TMEM132B: variants seen among roughly 807,000 people sequenced by gnomAD.
TMEM132B encodes the protein transmembrane protein 132B.
A neutral mutation model predicts 90.8 loss-of-function variants in TMEM132B; 18 were observed. That is an observed-to-expected ratio of 0.20 (90% confidence interval 0.14 to 0.29). The LOEUF is 0.29. Among genes scored for constraint, TMEM132B ranks in the 10% least tolerant of loss-of-function variants. TMEM132B has a pLI of 1.00. For synonymous variants in TMEM132B, 504 were observed against 523.3 expected, an observed-to-expected ratio of 0.96 and a Z score of 0.50; for missense variants, 1,096 against 1,326.8, an observed-to-expected ratio of 0.83 and a Z score of 2.70.
chr12:125,201,605 C>A (rs952617147), intron 1 of TMEM132B, among the ~76,000 whole-genome samples: 2 of 152,226 alleles, frequency 1.3e-5, no homozygotes, highest in Admixed American at 6.5e-5. Flanking sequence ...AGGCAGCAGG[C>A]TGCCTGGGTT....
intron 1 of TMEM132B, among the ~76,000 whole-genome samples, chr12:125,210,407 C>T (rs1256612125): frequency 6.6e-6 from 1 of 152,196 alleles, no homozygotes; most frequent in Non-Finnish European, 1.5e-5. Flanking sequence ...AGGGTGATCA[C>T]ATGGTGCCGT....
intron 1 of TMEM132B, among the ~76,000 whole-genome samples, chr12:125,298,803 G>A (rs867322856): frequency 7.3e-5 from 11 of 149,714 alleles, no homozygotes; most frequent in Middle Eastern, 3.4e-3. Flanking sequence ...GCGCGATCTC[G>A]GCTCACTGCA....
At chr12:125,389,426 C>T (rs965507556) in intron 2 of TMEM132B, among the ~76,000 whole-genome samples, 1 of 148,164 alleles carries the variant, frequency 6.7e-6, no homozygotes, top group African/African-American at 2.5e-5. Context: ...ATCCATCCTT[C>T]CATAATTCAT....
chr12:125,475,253 G>A (rs1881845537), intron 3 of TMEM132B, among the ~76,000 whole-genome samples: 1 of 152,092 alleles, frequency 6.6e-6, no homozygotes, highest in Admixed American at 6.6e-5. Flanking sequence ...CATTAGCATT[G>A]TTATTGTCAA....
rs958314103 is a variant in TMEM132B at position 125,661,911 on chromosome 12, A to G, written c.*7201A>G. 6 of 152,186 alleles carry G rather than the reference A, an allele frequency of 3.9e-5. No individual in the cohort carries two copies. The highest frequency in any genetic ancestry group is 4.8e-5 in the African/African-American group (2 of 41,428). The allele number at this position is 152,186 out of a possible 1,614,324, so 9.4% of individuals were successfully genotyped here. On this transcript the variant is annotated 3_prime_UTR_variant, in exon 9 of 9. Coordinates refer to ENST00000682704, the MANE Select transcript of TMEM132B (RefSeq NM_001366854.1). ...ATTTTTACAATACTGCTCATGTTTA[A>G]TGTGTGTCTACAGGGCATGCTGTTG...
chr12:125,473,539 C>T (rs558323955), intron 3 of TMEM132B, among the ~76,000 whole-genome samples: 1 of 152,290 alleles, frequency 6.6e-6, no homozygotes, highest in Non-Finnish European at 1.5e-5. Context: ...ATTAATGAAT[C>T]AAACTTTGTG....
At chr12:125,282,670 G>T (rs1875230650) in intron 1 of TMEM132B, among the ~76,000 whole-genome samples, 1 of 152,170 alleles carries the variant, frequency 6.6e-6, no homozygotes. Context: ...GGCAATCAGA[G>T]ATCCTAGCTA....
intron 5 of TMEM132B, among the ~76,000 whole-genome samples, chr12:125,640,487 A>AGAGG (rs1228299621): frequency 6.6e-6 from 1 of 152,162 alleles, no homozygotes; most frequent in Non-Finnish European, 1.5e-5. Context: ...AGACACATGA[A>AGAGG]GAGGGGCCTG....
At chr12:125,633,219 C>G (rs372015455) in intron 5 of TMEM132B, among the ~76,000 whole-genome samples, 10 of 152,056 alleles carry the variant, frequency 6.6e-5, no homozygotes, top group African/African-American at 2.4e-4. Context: ...GTGACTGGTG[C>G]GTTCTTCAGT....
chr12:125,391,708 C>T (rs1401826668), intron 2 of TMEM132B, among the ~76,000 whole-genome samples: 1 of 152,140 alleles, frequency 6.6e-6, no homozygotes, highest in Non-Finnish European at 1.5e-5. Flanking sequence ...TCCTCCCAAA[C>T]CCTAAAAGAG....
At chr12:125,529,392 C>T (rs988227427) in intron 4 of TMEM132B, among the ~76,000 whole-genome samples, 28 of 152,182 alleles carry the variant, frequency 1.8e-4, no homozygotes, top group African/African-American at 5.8e-4. Context: ...CCACTGTGCC[C>T]GGCCTGAAAC....
chr12:125,270,916 C>G (rs909084927), intron 1 of TMEM132B, among the ~76,000 whole-genome samples: 2 of 151,248 alleles, frequency 1.3e-5, no homozygotes, highest in East Asian at 1.9e-4. Context: ...TATGGCCATG[C>G]TTACCTGCAC....
In TMEM132B at chr12:125,623,097, CTG is replaced by C. The variant is rs1178892658; in HGVS notation, c.1438-20978_1438-20977del. ...GTAGGTTCGGGGAGTGCAGTCAGAA[CTG>C]GGGCTGGGCAGCATGATATGCTGGG... On this transcript the variant is annotated intron_variant, in intron 5 of 8. Coordinates refer to ENST00000682704, the MANE Select transcript of TMEM132B (RefSeq NM_001366854.1). Among the ~76,000 whole-genome samples the C allele has an allele frequency of 5.9e-5, 9 of 152,268 alleles. No individual in the cohort carries two copies. In the South Asian group the frequency reaches 1.9e-3, roughly 32 times the overall value.
At position 125,612,332 on chromosome 12, in the gene TMEM132B, G is replaced by A. The variant is rs571031596; in HGVS notation, c.1437+28338G>A. On this transcript the variant is annotated intron_variant, in intron 5 of 8. Coordinates refer to ENST00000682704, the MANE Select transcript of TMEM132B (RefSeq NM_001366854.1). ...CTACTAGAAATACAAAAATACAGGT[G>A]CATGCCTGTAATCCTAGCTACTCAG... Among the ~76,000 whole-genome samples the A allele has an allele frequency of 2.2e-4, 34 of 151,790 alleles. No individual in the cohort carries two copies. In the South Asian group the frequency reaches 5.2e-3, roughly 23 times the overall value.
intron 1 of TMEM132B, among the ~76,000 whole-genome samples, chr12:125,211,789 C>T (rs75636882): frequency 2.4e-4 from 36 of 152,310 alleles, no homozygotes; most frequent in African/African-American, 8.2e-4. Context: ...GAAGGATGCC[C>T]TCTCTTTTTC....
chr12:125,193,330 A>G (rs965970714), intron 1 of TMEM132B, among the ~76,000 whole-genome samples: 1 of 152,138 alleles, frequency 6.6e-6, no homozygotes, highest in Non-Finnish European at 1.5e-5. Context: ...AGAGCTCATG[A>G]CTTCTGCCCT....
rs73235423 is a variant in TMEM132B, at chr12:125,452,083, C to T, written c.1106+36406C>T. Among the ~76,000 whole-genome samples the T allele has an allele frequency of 3.0e-3, 463 of 152,310 alleles. 1 individual carries two copies. The highest frequency in any genetic ancestry group is 5.5e-3 in the Non-Finnish European group (372 of 68,032). On this transcript the variant is annotated intron_variant, in intron 3 of 8. Transcript: ENST00000682704. Reference sequence around the variant, plus strand: ...AGTTCTTAGCCTCTTAGCTGACCCCCGTCTGGTATTAGCAAATGCCCACAG... The same window carrying T: ...AGTTCTTAGCCTCTTAGCTGACCCCTGTCTGGTATTAGCAAATGCCCACAG...
chr12:125,652,548 T>C lies in TMEM132B; in HGVS notation c.2022T>C (p.Ser674=), dbSNP rs376766279. The C allele has an allele frequency of 1.9e-6, 3 of 1,613,712 alleles. No homozygotes were observed. The highest frequency in any genetic ancestry group is 2.7e-5 in the African/African-American group (2 of 74,920). The change falls in exon 8 of 9, where the codon TCT becomes TCC. Residue 674 remains serine (S), a synonymous_variant. Transcript: ENST00000682704. ...ELGVQLVAGM[S]LSLQPHRADK... The stretch of plus-strand genomic sequence containing the variant: ...GAGTGCAGCTCGTAGCTGGCATGTC[T>C]CTCTCCCTGCAGCCACACCGAGCAG...
At chr12:125,242,190 G>A (rs370452428) in intron 1 of TMEM132B, among the ~76,000 whole-genome samples, 1 of 151,880 alleles carries the variant, frequency 6.6e-6, no homozygotes, top group African/African-American at 2.4e-5. Context: ...TCACTTTTTT[G>A]CCCAGGCTGG....
Sources: allele counts gnomAD v4.1 joint callset (sites outside exome capture counted in the v4.1 genomes callset), GRCh38; gene constraint gnomAD v4.1.1; transcripts MANE v1.5; gene names NCBI Gene and HGNC (gene_info 2026-07-23, HGNC 2026-07-21).